Variants in IQCK observed in about 807,000 individuals in gnomAD.
The protein encoded by IQCK is IQ motif containing K.
A neutral mutation model predicts 28.1 loss-of-function variants in IQCK; 29 were observed. That is an observed-to-expected ratio of 1.03 (90% CI 0.77 to 1.41). IQCK has a LOEUF of 1.41. IQCK is among the 40% of genes most tolerant of loss of function. The pLI, the probability that IQCK is intolerant of heterozygous loss-of-function variation, is 0.00. For synonymous variants in IQCK, 113 were observed against 115.1 expected (o/e 0.98, Z 0.12); for missense variants, 359 against 314.7 (o/e 1.14, Z -1.07).
At chr16:19,738,170 G>A (rs1320569681) in intron 4 of IQCK, among the ~76,000 whole-genome samples, 1 of 152,148 alleles carries the variant, frequency 6.6e-6, no homozygotes, top group Non-Finnish European at 1.5e-5. Context: ...CCTAGCACAT[G>A]GTGAACATAG....
intron 1 of IQCK, among the ~76,000 whole-genome samples, chr16:19,725,979 G>A (rs566660764): frequency 3.4e-5 from 5 of 149,124 alleles, no homozygotes; most frequent in Non-Finnish European, 7.4e-5. Context: ...GCAGCGGCTC[G>A]ATCTCTGCTC....
intron 4 of IQCK, among the ~76,000 whole-genome samples, chr16:19,747,783 C>T (rs998193205): frequency 5.3e-5 from 8 of 152,122 alleles, no homozygotes; most frequent in Non-Finnish European, 1.0e-4. Context: ...AGATAATGCC[C>T]CCCAGTTCCA....
exon 10 of IQCK, chr16:19,857,470 C>T (rs775932697): frequency 8.9e-5 from 39 of 437,336 alleles, no homozygotes; most frequent in South Asian, 5.2e-4. Flanking sequence ...AACAGTCAGC[C>T]GGGGGAAGAT....
intron 7 of IQCK, among the ~76,000 whole-genome samples, chr16:19,817,953 T>C (rs1349219686): frequency 1.3e-5 from 2 of 152,204 alleles, no homozygotes; most frequent in Non-Finnish European, 2.9e-5. Flanking sequence ...GACCTTCCTT[T>C]AATGATTCAG....
At position 19,797,639 on chromosome 16, in the gene IQCK, CAATAA is replaced by C. The variant is rs1274515106; in HGVS notation, c.690+8728_690+8732del. On this transcript the variant is annotated intron_variant, in intron 7 of 7. Coordinates refer to ENST00000564186, the Ensembl canonical transcript of IQCK. ...AAAAAAAAAAAAAAAACAAAAAAAC[CAATAA>C]AATAAAATAACGGAGATTTCTGATC... Among the ~76,000 whole-genome samples, 2 of 126,644 alleles carry C rather than the reference CAATAA, an allele frequency of 1.6e-5. 1 individual carries two copies. Among genetic ancestry groups the C allele is most frequent in the African/African-American group, 7.0e-5 (2 of 28,642 alleles). The allele number at this position is 126,644 out of a possible 152,430, so 83.1% of individuals were successfully genotyped here.
At chr16:19,774,178 C>T (rs1405537349) in intron 6 of IQCK, among the ~76,000 whole-genome samples, 4 of 152,078 alleles carry the variant, frequency 2.6e-5, no homozygotes, top group East Asian at 1.9e-4. Context: ...CACACCTCTG[C>T]GTTCTAAACC....
chr16:19,745,451 G>A (rs144453227), intron 4 of IQCK, among the ~76,000 whole-genome samples: 10 of 152,220 alleles, frequency 6.6e-5, no homozygotes, highest in East Asian at 1.9e-4. Context: ...GGTCAGCCCC[G>A]CAGCGGCCGT....
intron 4 of IQCK, among the ~76,000 whole-genome samples, chr16:19,746,223 T>G (rs2054910810): frequency 6.6e-6 from 1 of 150,620 alleles, no homozygotes; most frequent in African/African-American, 2.4e-5. Flanking sequence ...TGTGGGTACG[T>G]CGTAGATATA....
intron 4 of IQCK, among the ~76,000 whole-genome samples, chr16:19,742,476 C>T (rs749218040): frequency 4.7e-5 from 7 of 150,388 alleles, no homozygotes; most frequent in Non-Finnish European, 7.3e-5. Flanking sequence ...ATCTGCACAA[C>T]AGATTCACAT....
At position 19,835,342 on chromosome 16, in the gene IQCK, G is replaced by C. The variant is rs182272158; in HGVS notation, c.802+8205G>C. On this transcript the variant is annotated intron_variant, in intron 9 of 9. Transcript: ENST00000320394. ...AACATGTAACCATATTATATATGCTGTACTGTAACTGGCTTGTTTTTTCTT... is the reference window on the plus strand; with the variant it reads ...AACATGTAACCATATTATATATGCTCTACTGTAACTGGCTTGTTTTTTCTT... 2.6e-5 allele frequency among the ~76,000 whole-genome samples: 4 copies of C among 152,166 alleles called. No homozygotes were observed. In the East Asian group the frequency reaches 7.7e-4, roughly 29 times the overall value.
chr16:19,719,213 G>C (rs367649858), intron 1 of IQCK, among the ~76,000 whole-genome samples: 1 of 152,044 alleles, frequency 6.6e-6, no homozygotes, highest in Non-Finnish European at 1.5e-5. Context: ...AGGGCAAAAG[G>C]ATTATTGGGG....
intron 1 of IQCK, among the ~76,000 whole-genome samples, chr16:19,726,263 G>T (rs1001420060): frequency 1.3e-5 from 2 of 152,130 alleles, no homozygotes; most frequent in Non-Finnish European, 2.9e-5. Context: ...AAGTAATAAA[G>T]AAATGCAAAT....
intron 4 of IQCK, among the ~76,000 whole-genome samples, chr16:19,741,502 T>C (rs1021584379): frequency 6.6e-6 from 1 of 152,284 alleles, no homozygotes; most frequent in Non-Finnish European, 1.5e-5. Context: ...AAATTTCTAA[T>C]TATATTAGAG....
chr16:19,850,067 C>A (rs555199769), intron 9 of IQCK, among the ~76,000 whole-genome samples: 11 of 152,322 alleles, frequency 7.2e-5, no homozygotes, highest in African/African-American at 2.6e-4. Context: ...TATATTACAT[C>A]ACATCAAGGT....
intron 7 of IQCK, among the ~76,000 whole-genome samples, chr16:19,820,579 G>A (rs2056058512): frequency 6.6e-6 from 1 of 151,490 alleles, no homozygotes; most frequent in Non-Finnish European, 1.5e-5. Flanking sequence ...AACCCGGGAG[G>A]CAGAGGTTGC....
chr16:19,770,410 A>C (rs1284477099), intron 6 of IQCK, among the ~76,000 whole-genome samples: 6 of 152,324 alleles, frequency 3.9e-5, no homozygotes, highest in Non-Finnish European at 1.5e-5. Flanking sequence ...CAGGAGGTCC[A>C]GAGATTGACT....
At chr16:19,733,617 T>C in intron 2 of IQCK, 81 bp from the exon 3 acceptor site, 1 of 1,504,648 alleles carries the variant, frequency 6.6e-7, no homozygotes, top group African/African-American at 1.4e-5. Flanking sequence ...CAGAATTTTA[T>C]TCCTTCATAA....
At chr16:19,819,782 G>A (rs547595408) in intron 7 of IQCK, among the ~76,000 whole-genome samples, 116 of 152,106 alleles carry the variant, frequency 7.6e-4, no homozygotes, top group Non-Finnish European at 1.1e-3. Flanking sequence ...GGGAGGCCAC[G>A]GGGGGCAGAT....
At chr16:19,746,833 T>C (rs1007599713) in intron 4 of IQCK, among the ~76,000 whole-genome samples, 4 of 152,248 alleles carry the variant, frequency 2.6e-5, no homozygotes, top group African/African-American at 9.6e-5. Context: ...GGGGCATGGC[T>C]TTATGCCAGA....
Sources: gnomAD v4.1 joint callset for allele counts (sites outside exome capture counted in the v4.1 genomes callset) on GRCh38, gnomAD v4.1.1 for gene constraint, MANE v1.5 for transcripts, NCBI Gene and HGNC (gene_info 2026-07-23, HGNC 2026-07-21) for gene names.